The following NELL1 variants were observed in gnomAD, a reference collection of about 807,000 sequenced individuals.
The protein encoded by NELL1 is neural EGFL like 1.
Under a neutral mutation model 107.4 loss-of-function variants are expected in NELL1, and 76 were observed. The observed-to-expected ratio is 0.71, with a 90% confidence interval of 0.59 to 0.86. The LOEUF (loss-of-function observed/expected upper bound fraction) is 0.86, where lower values mean the gene tolerates loss of function less well. Among genes scored for constraint, NELL1 ranks in the 40% least tolerant of loss-of-function variants. The pLI is 0.00. For synonymous variants in NELL1, 353 were observed against 341.2 expected, an observed-to-expected ratio of 1.03 and a Z score of -0.38; for missense variants, 1,024 against 1,005.5, an observed-to-expected ratio of 1.02 and a Z score of -0.25.
chr11:21,381,171 TA>T (rs1298304464), intron 15 of NELL1, among the ~76,000 whole-genome samples: 1 of 152,044 alleles, frequency 6.6e-6, no homozygotes, highest in Non-Finnish European at 1.5e-5. Flanking sequence ...TAACAGATTA[TA>T]CAGGAGGTAA....
At chr11:21,431,479 A>G (rs1271140102) in intron 15 of NELL1, among the ~76,000 whole-genome samples, 2 of 152,202 alleles carry the variant, frequency 1.3e-5, no homozygotes, top group African/African-American at 4.8e-5. Flanking sequence ...TAGGAGCTCA[A>G]TAAATGTTTA....
intron 14 of NELL1, among the ~76,000 whole-genome samples, chr11:21,258,495 G>A (rs1409371073): frequency 6.6e-6 from 1 of 151,844 alleles, no homozygotes; most frequent in Non-Finnish European, 1.5e-5. Context: ...CAATTATGAA[G>A]GCTGGCAAGT....
At chr11:21,026,017 T>G (rs913014313) in intron 12 of NELL1, among the ~76,000 whole-genome samples, 1 of 152,298 alleles carries the variant, frequency 6.6e-6, no homozygotes, top group East Asian at 1.9e-4. Flanking sequence ...CTCTATCTGG[T>G]CACATCTTCG....
chr11:20,738,770 G>T (rs115449728), intron 2 of NELL1, among the ~76,000 whole-genome samples: 1,896 of 152,296 alleles, frequency 0.012, 36 homozygotes, highest in African/African-American at 0.043. Flanking sequence ...AACTTTTCCT[G>T]CTAGAGGACG....
At chr11:21,101,884 A>G (rs1324627912) in intron 12 of NELL1, among the ~76,000 whole-genome samples, 1 of 151,936 alleles carries the variant, frequency 6.6e-6, no homozygotes, top group Non-Finnish European at 1.5e-5. Flanking sequence ...TCTTTTTGAG[A>G]TGGAGTTTTG....
chr11:21,122,128 G>T (rs908927241), intron 13 of NELL1, among the ~76,000 whole-genome samples: 2 of 152,144 alleles, frequency 1.3e-5, no homozygotes, highest in African/African-American at 4.8e-5. Context: ...TTTGGCTGTT[G>T]CAGAACAACC....
At chr11:21,032,889 C>A (rs1039443687) in intron 12 of NELL1, among the ~76,000 whole-genome samples, 1 of 152,124 alleles carries the variant, frequency 6.6e-6, no homozygotes, top group Non-Finnish European at 1.5e-5. Flanking sequence ...GCTTGCTTTC[C>A]TTTGATATAA....
At chr11:20,803,382 T>G (rs1857317900) in intron 3 of NELL1, among the ~76,000 whole-genome samples, 1 of 152,212 alleles carries the variant, frequency 6.6e-6, no homozygotes, top group Non-Finnish European at 1.5e-5. Context: ...TTTGAATTTC[T>G]GTAGTATCAG....
At chr11:21,475,213 T>G (rs1854297092) in intron 15 of NELL1, among the ~76,000 whole-genome samples, 1 of 152,182 alleles carries the variant, frequency 6.6e-6, no homozygotes, top group Non-Finnish European at 1.5e-5. Flanking sequence ...ATTTATTTTA[T>G]CTATGCTTTT....
At chr11:21,434,317 G>A (rs1420975327) in intron 15 of NELL1, among the ~76,000 whole-genome samples, 1 of 152,100 alleles carries the variant, frequency 6.6e-6, no homozygotes, top group South Asian at 2.1e-4. Flanking sequence ...AGGTTTTATA[G>A]TTTCAGGTTT....
intron 2 of NELL1, among the ~76,000 whole-genome samples, chr11:20,682,251 T>A (rs965860101): frequency 1.3e-5 from 2 of 151,976 alleles, no homozygotes; most frequent in South Asian, 2.1e-4. Context: ...GCATCTTTAA[T>A]TGTAACATCT....
At chr11:21,288,492 T>C (rs910648910) in intron 14 of NELL1, among the ~76,000 whole-genome samples, 1 of 152,208 alleles carries the variant, frequency 6.6e-6, no homozygotes, top group African/African-American at 2.4e-5. Context: ...TTTGTTTTGG[T>C]TACTGGTCTT....
intron 3 of NELL1, among the ~76,000 whole-genome samples, chr11:20,822,060 A>T (rs1428976897): frequency 6.6e-6 from 1 of 152,224 alleles, no homozygotes; most frequent in Non-Finnish European, 1.5e-5. Context: ...AGTTAAGTTC[A>T]TACTGGGTCC....
At position 21,128,210 on chromosome 11, in the gene NELL1, A is replaced by G. The variant is rs561324596; in HGVS notation, c.1426+14496A>G. Among the ~76,000 whole-genome samples, 3 of 152,322 alleles carry G rather than the reference A, an allele frequency of 2.0e-5. No individual in the cohort carries two copies. The South Asian group carries it at 6.2e-4, about 32-fold the overall frequency. ...TTTAAGGACCCCACATAATTATTTTACAGAAAAGCACGTTGTAACTAGACA... is the reference window on the plus strand; with the variant it reads ...TTTAAGGACCCCACATAATTATTTTGCAGAAAAGCACGTTGTAACTAGACA... On this transcript the variant is annotated intron_variant, in intron 13 of 19. Coordinates refer to ENST00000357134, the MANE Select transcript of NELL1 (RefSeq NM_006157.5).
At chr11:20,686,404 G>A (rs1462226241) in intron 2 of NELL1, among the ~76,000 whole-genome samples, 1 of 152,012 alleles carries the variant, frequency 6.6e-6, no homozygotes, top group Non-Finnish European at 1.5e-5. Context: ...AATTTTTTTA[G>A]GGTGTTAAAA....
At chr11:21,267,772 C>T (rs1357506486) in intron 14 of NELL1, among the ~76,000 whole-genome samples, 1 of 152,036 alleles carries the variant, frequency 6.6e-6, no homozygotes, top group African/African-American at 2.4e-5. Flanking sequence ...ATAACTTATC[C>T]AGGGCTGCAG....
chr11:20,811,921 C>G (rs993557930), intron 3 of NELL1, among the ~76,000 whole-genome samples: 2 of 151,906 alleles, frequency 1.3e-5, no homozygotes, highest in Non-Finnish European at 2.9e-5. Flanking sequence ...CTTGGATGCT[C>G]TTTATTTCTT....
intron 9 of NELL1, among the ~76,000 whole-genome samples, chr11:20,933,423 T>A (rs1850657974): frequency 1.3e-5 from 2 of 152,106 alleles, no homozygotes; most frequent in South Asian, 4.1e-4. Flanking sequence ...GAGAAAGCAG[T>A]ATGGGGAGCA....
chr11:20,913,040 G>A (rs1352783333), intron 5 of NELL1, among the ~76,000 whole-genome samples: 1 of 152,096 alleles, frequency 6.6e-6, no homozygotes, highest in Admixed American at 6.6e-5. Context: ...TGTCTTTCTT[G>A]GCGGTTTTGC....
Sources: gnomAD v4.1 joint callset for allele counts (sites outside exome capture counted in the v4.1 genomes callset) on GRCh38, gnomAD v4.1.1 for gene constraint, MANE v1.5 for transcripts, NCBI Gene and HGNC (gene_info 2026-07-23, HGNC 2026-07-21) for gene names.